XXYLT1: variants seen among roughly 807,000 people sequenced by gnomAD.
The protein encoded by XXYLT1 is UDP-xylose:alpha-xyloside alpha-1,3-xylosyltransferase.
In XXYLT1, 20 loss-of-function variants were observed where a neutral mutation model predicts 28.9. That is an observed-to-expected ratio of 0.69 (90% CI 0.49 to 1.00). The LOEUF is 1.00. XXYLT1 is among the 50% of genes least tolerant of loss of function. The pLI is 0.00. For synonymous variants in XXYLT1, 257 were observed against 253.8 expected (o/e 1.01, Z -0.12); for missense variants, 542 against 560.1 (o/e 0.97, Z 0.33).
chr3:195,270,560 A>G lies in XXYLT1; in HGVS notation c.499T>C (p.Cys167Arg). Residue 167 changes from cysteine to arginine, a missense_variant, in exon 1 of 4, where the codon TGC becomes CGC. Physicochemically the swap from Cys to Arg is radical, Grantham distance 180. Transcript: ENST00000310380. ...ELLPPAAGFKCKVIFHDVAVL... is the reference protein window; with the variant it reads ...ELLPPAAGFKRKVIFHDVAVL... The stretch of plus-strand genomic sequence containing the variant: ...CCCAGCCGCGGCCCGCTCACCTTGC[A>G]CTTGAAGCCAGCGGCGGGCGGCAGG... 7.2e-7 allele frequency: 1 copy of G among 1,393,470 alleles called. No individual in the cohort carries two copies. Among genetic ancestry groups the G allele is most frequent in the Non-Finnish European group, 9.3e-7 (1 of 1,076,554 alleles). 86.3% of individuals were successfully genotyped at this position (1,393,470 alleles called of 1,614,324 possible).
intron 2 of XXYLT1, among the ~76,000 whole-genome samples, chr3:195,204,691 C>T (rs931843395): frequency 6.6e-5 from 10 of 152,296 alleles, no homozygotes; most frequent in Non-Finnish European, 1.0e-4. Flanking sequence ...ACCCACAACC[C>T]GCAATGTGCT....
At chr3:195,071,210 G>A (rs562769118) in intron 3 of XXYLT1, among the ~76,000 whole-genome samples, 1 of 152,304 alleles carries the variant, frequency 6.6e-6, no homozygotes, top group African/African-American at 2.4e-5. Context: ...GACAGGCGTG[G>A]GAGTGGGTCC....
In XXYLT1 at chr3:195,110,297, G is replaced by C. The variant is rs1717509780; in HGVS notation, c.786-40186C>G. On this transcript the variant is annotated intron_variant, in intron 3 of 3. Coordinates refer to ENST00000310380, the MANE Select transcript of XXYLT1 (RefSeq NM_152531.5). ...GTGTGTGTGGGGTGTATGTGTGCGT[G>C]TGTGGTATATGTGTGTGTGGGTGAG... Among the ~76,000 whole-genome samples, 3 of 12,304 alleles carry C rather than the reference G, an allele frequency of 2.4e-4. 1 individual carries two copies. Among genetic ancestry groups the C allele is most frequent in the South Asian group, 2.1e-3 (1 of 478 alleles). 8.1% of individuals were successfully genotyped at this position (12,304 alleles called of 152,430 possible).
At chr3:195,162,966 T>A (rs1030681937) in intron 2 of XXYLT1, among the ~76,000 whole-genome samples, 1 of 152,158 alleles carries the variant, frequency 6.6e-6, no homozygotes, top group Non-Finnish European at 1.5e-5. Flanking sequence ...ATAGTTCACA[T>A]CTCTCTCGTG....
intron 2 of XXYLT1, among the ~76,000 whole-genome samples, chr3:195,213,195 C>T (rs1003375324): frequency 1.1e-4 from 16 of 151,638 alleles, no homozygotes; most frequent in Admixed American, 4.6e-4. Flanking sequence ...TGCCCACATC[C>T]GCATCCCAAC....
intron 3 of XXYLT1, among the ~76,000 whole-genome samples, chr3:195,080,853 G>A (rs1377894006): frequency 2.0e-5 from 3 of 152,232 alleles, no homozygotes; most frequent in East Asian, 1.9e-4. Flanking sequence ...CAGAGACTCC[G>A]TGGACGTGGC....
chr3:195,270,935 C>G lies in XXYLT1; in HGVS notation c.124G>C (p.Gly42Arg), dbSNP rs544508884. The change falls in exon 1 of 4, where the codon GGC becomes CGC. Residue 42 changes from glycine to arginine, a missense_variant. Physicochemically the swap from Gly to Arg is moderately radical, Grantham distance 125 (BLOSUM62 -2). Coordinates refer to ENST00000310380, the MANE Select transcript of XXYLT1 (RefSeq NM_152531.5). ...ALAVCAFYYLGSGRETFSSAT... is the reference protein window; with the variant it reads ...ALAVCAFYYLRSGRETFSSAT... ...CTGGAGAAGGTCTCCCGGCCTGAGC[C>G]GAGGTAGTAGAAGGCGCAGACGGCC... The G allele has an allele frequency of 6.7e-7, 1 of 1,488,434 alleles. No individual in the cohort carries two copies. Among genetic ancestry groups the G allele is most frequent in the South Asian group, 1.3e-5 (1 of 78,446 alleles). 92.2% of individuals were successfully genotyped at this position (1,488,434 alleles called of 1,614,324 possible). A position where few individuals can be genotyped will look rare whatever the true frequency, so the allele number is the denominator to read the frequency against.
chr3:195,100,646 C>CA (rs1442788848), intron 3 of XXYLT1, among the ~76,000 whole-genome samples: 1 of 152,156 alleles, frequency 6.6e-6, no homozygotes, highest in African/African-American at 2.4e-5. Flanking sequence ...TGGGCCTACA[C>CA]ACGCTACCCT....
In XXYLT1 at chr3:195,196,415, G is replaced by A. The variant is rs184958491; in HGVS notation, c.652+30294C>T. On this transcript the variant is annotated intron_variant, in intron 2 of 3. Transcript: ENST00000310380. ...AGGGTCCTGCCTCCTCCCCATCCCC[G>A]CCAGCATCACTACTGGGCCAACAAC... Among the ~76,000 whole-genome samples the A allele has an allele frequency of 3.9e-5, 6 of 152,184 alleles. No homozygotes were observed. The South Asian group carries it at 8.3e-4, about 21-fold the overall frequency.
In XXYLT1 at chr3:195,124,516, T is replaced by G. The variant is rs1396737336; in HGVS notation, c.785+31933A>C. ...TGTCTAGTGTTTCTAGGCCTCCCCC[T>G]CTAGACTGTGAATTCCGTGGGGGCA... On this transcript the variant is annotated intron_variant, in intron 3 of 3. Transcript: ENST00000310380. The surrounding 1 kb of genome is among the most constrained non-coding windows in gnomAD (Gnocchi z 4.1). 6.6e-6 allele frequency among the ~76,000 whole-genome samples: 1 copy of G among 152,182 alleles called. No individual in the cohort carries two copies. The highest frequency in any genetic ancestry group is 1.9e-4 in the East Asian group (1 of 5,196).
rs531867628 is a variant in XXYLT1, at chr3:195,077,838, C to A, written c.786-7727G>T. 1.8e-4 allele frequency among the ~76,000 whole-genome samples: 28 copies of A among 152,258 alleles called. No homozygotes were observed. In the South Asian group the frequency reaches 5.6e-3, roughly 30 times the overall value. ...CCCCGTATCCTCAGGATGTGCCATG[C>A]CCTTCTCGAAGGCTTCTCCTGGCCC... On this transcript the variant is annotated intron_variant, in intron 3 of 3. Coordinates refer to ENST00000310380, the MANE Select transcript of XXYLT1 (RefSeq NM_152531.5). This position sits in a 1 kb window ranked among gnomAD's most constrained non-coding sequence, Gnocchi z 4.8.
intron 2 of XXYLT1, among the ~76,000 whole-genome samples, chr3:195,189,601 T>C (rs1245559022): frequency 6.6e-6 from 1 of 152,154 alleles, no homozygotes; most frequent in Non-Finnish European, 1.5e-5. Flanking sequence ...AATGGAAGAT[T>C]CAAGATGGCA....
At chr3:195,183,882 C>A (rs1722064421) in intron 2 of XXYLT1, among the ~76,000 whole-genome samples, 1 of 152,198 alleles carries the variant, frequency 6.6e-6, no homozygotes, top group Non-Finnish European at 1.5e-5. Flanking sequence ...AACTGGAAGG[C>A]CTGACACTTC....
chr3:195,105,520 TCAACAGA>T (rs200031577), intron 3 of XXYLT1, among the ~76,000 whole-genome samples: 1,699 of 152,376 alleles, frequency 0.011, 24 homozygotes, highest in African/African-American at 0.039. Flanking sequence ...AAGTGCAAAG[TCAACAGA>T]CTTTTATTTA....
At chr3:195,245,018 T>C (rs1393238808) in intron 1 of XXYLT1, among the ~76,000 whole-genome samples, 2 of 149,966 alleles carry the variant, frequency 1.3e-5, no homozygotes, top group African/African-American at 4.9e-5. Context: ...AATACAAAAT[T>C]AGCCGGGGGT....
At chr3:195,244,587 C>A (rs1421815217) in intron 1 of XXYLT1, among the ~76,000 whole-genome samples, 1 of 150,070 alleles carries the variant, frequency 6.7e-6, no homozygotes, top group African/African-American at 2.5e-5. Flanking sequence ...CATGGAGAAA[C>A]CCCTGTCTCT....
intron 3 of XXYLT1, among the ~76,000 whole-genome samples, chr3:195,098,426 G>A (rs1011305334): frequency 1.8e-4 from 27 of 152,130 alleles, no homozygotes; most frequent in Non-Finnish European, 3.2e-4. Flanking sequence ...GGTGGTGCGC[G>A]CCTGTAGTCC....
intron 2 of XXYLT1, among the ~76,000 whole-genome samples, chr3:195,192,760 G>C (rs1722478133): frequency 1.3e-5 from 2 of 152,104 alleles, no homozygotes; most frequent in South Asian, 4.1e-4. Flanking sequence ...AGAAGTTCTA[G>C]CTAGTGGAAT....
chr3:195,218,007 C>T (rs1362533997), intron 2 of XXYLT1, among the ~76,000 whole-genome samples: 2 of 149,786 alleles, frequency 1.3e-5, no homozygotes, highest in African/African-American at 5.1e-5. Flanking sequence ...AGAAATAACG[C>T]CGCATGTCTA....
Sources: gnomAD v4.1 joint callset for allele counts (sites outside exome capture counted in the v4.1 genomes callset) on GRCh38, gnomAD v4.1.1 for gene constraint, Gnocchi (gnomAD v3.1) non-coding constraint, MANE v1.5 for transcripts, NCBI Gene and HGNC (gene_info 2026-07-23, HGNC 2026-07-21) for gene names.